PDZD2: variants seen among roughly 807,000 people sequenced by gnomAD.
The protein encoded by PDZD2 is PDZ domain-containing protein 2.
In PDZD2, 90 loss-of-function variants were observed where a neutral mutation model predicts 220.7. The ratio of observed to expected loss-of-function variants is 0.41; its 90% CI spans 0.34 to 0.49. The LOEUF is 0.49. Ranked by LOEUF, PDZD2 falls within the 20% of genes least tolerant of loss-of-function variation. PDZD2 has a pLI of 0.28. For synonymous variants in PDZD2, 1,375 were observed against 1,450.5 expected (o/e 0.95, Z 1.18); for missense variants, 3,174 against 3,608.5 (o/e 0.88, Z 3.08).
intron 1 of PDZD2, among the ~76,000 whole-genome samples, chr5:31,686,943 G>A (rs182798068): frequency 8.5e-5 from 13 of 152,200 alleles, no homozygotes; most frequent in East Asian, 5.8e-4. Context: ...CTAACCACTC[G>A]GAATCTCTGC....
intron 2 of PDZD2, among the ~76,000 whole-genome samples, chr5:31,893,262 G>T (rs746606099): frequency 2.0e-5 from 3 of 152,050 alleles, no homozygotes; most frequent in Non-Finnish European, 4.4e-5. Flanking sequence ...GCCATTGATT[G>T]TGGTTCGCAT....
intron 2 of PDZD2, among the ~76,000 whole-genome samples, chr5:31,963,459 G>T (rs1407801899): frequency 6.6e-6 from 1 of 152,198 alleles, no homozygotes; most frequent in Admixed American, 6.5e-5. Flanking sequence ...AGAGGCGGGG[G>T]CTGTGCACAC....
At chr5:31,767,092 C>A (rs1207240762) in intron 1 of PDZD2, among the ~76,000 whole-genome samples, 1 of 135,836 alleles carries the variant, frequency 7.4e-6, no homozygotes, top group Admixed American at 8.3e-5. Flanking sequence ...AGTGCAGTGG[C>A]GAGATCTTGG....
chr5:32,087,825 C>T lies in PDZD2; in HGVS notation c.4377C>T (p.His1459=). Residue 1459 remains histidine, a synonymous_variant, in exon 20 of 25, where the codon CAC becomes CAT. Coordinates refer to ENST00000438447, the MANE Select transcript of PDZD2 (RefSeq NM_178140.4). The surrounding 1 kb of genome is among the most constrained non-coding windows in gnomAD (Gnocchi z 4.0). ...SGSQEGSAQG[H]PPAGAGGGSS... ...CTCAGGAGGGCAGTGCTCAGGGCCA[C>T]CCACCAGCCGGGGCTGGAGGTGGGA... is the stretch of plus-strand genomic sequence containing the variant. 2 of 1,612,378 alleles carry T rather than the reference C, an allele frequency of 1.2e-6. No individual in the cohort carries two copies. Among genetic ancestry groups the T allele is most frequent in the South Asian group, 1.1e-5 (1 of 90,974 alleles).
chr5:31,893,268 C>T (rs1277709587), intron 2 of PDZD2, among the ~76,000 whole-genome samples: 5 of 152,000 alleles, frequency 3.3e-5, no homozygotes, highest in East Asian at 3.9e-4. Flanking sequence ...GATTGTGGTT[C>T]GCATTTAAAA....
intron 2 of PDZD2, among the ~76,000 whole-genome samples, chr5:31,901,038 T>A (rs139523558): frequency 1.1e-3 from 160 of 152,126 alleles, no homozygotes; most frequent in African/African-American, 3.8e-3. Flanking sequence ...GGAAGGGGAG[T>A]TGGAGGCAAG....
chr5:31,751,683 A>G (rs538399086), intron 1 of PDZD2, among the ~76,000 whole-genome samples: 6 of 152,288 alleles, frequency 3.9e-5, no homozygotes, highest in African/African-American at 1.4e-4. Flanking sequence ...TACCGGGGAC[A>G]TGAGCAGCCA....
rs549632240 is a variant in PDZD2 at position 31,950,642 on chromosome 5, C to G, written c.477-32513C>G. ...TGAGATATTATACTAAAGTAAGAAG[C>G]TAAAGGAAGACCTCTTTAGTTGTAC... On this transcript the variant is annotated intron_variant, in intron 2 of 24. Coordinates refer to ENST00000438447, the MANE Select transcript of PDZD2 (RefSeq NM_178140.4). Among the ~76,000 whole-genome samples the G allele has an allele frequency of 2.0e-5, 3 of 152,258 alleles. No individual in the cohort carries two copies. The South Asian group carries it at 6.2e-4, about 32-fold the overall frequency.
rs138651397 is a variant in PDZD2 at position 31,788,758 on chromosome 5, T to A, written c.-360-10131T>A. On this transcript the variant is annotated intron_variant, in intron 1 of 24. Coordinates refer to ENST00000438447, the MANE Select transcript of PDZD2 (RefSeq NM_178140.4). ...GAGTCTCAGTAGTTTGTATTTGCAC[T>A]GTTTCTCAATCAGTTGTATGTTTGT... 5.5e-3 allele frequency among the ~76,000 whole-genome samples: 842 copies of A among 152,350 alleles called. 7 individuals carry two copies. Among genetic ancestry groups the A allele is most frequent in the African/African-American group, 0.019 (781 of 41,580 alleles).
intron 2 of PDZD2, among the ~76,000 whole-genome samples, chr5:31,979,574 TG>T (rs1200726531): frequency 3.2e-5 from 2 of 63,126 alleles, no homozygotes; most frequent in Admixed American, 1.7e-4. Flanking sequence ...AGTGAGACTC[TG>T]TCTCAAAAAA....
chr5:31,885,114 G>A (rs916601906), intron 2 of PDZD2, among the ~76,000 whole-genome samples: 6 of 150,898 alleles, frequency 4.0e-5, no homozygotes, highest in South Asian at 2.1e-4. Context: ...AAAAACGGGT[G>A]GAGTGTATGA....
At chr5:31,683,868 T>C (rs1195911144) in intron 1 of PDZD2, among the ~76,000 whole-genome samples, 2 of 152,210 alleles carry the variant, frequency 1.3e-5, no homozygotes, top group African/African-American at 2.4e-5. Flanking sequence ...AATATGTATT[T>C]TAAATTTGAT....
At chr5:31,931,306 C>T (rs990443100) in intron 2 of PDZD2, among the ~76,000 whole-genome samples, 5 of 151,074 alleles carry the variant, frequency 3.3e-5, no homozygotes, top group Admixed American at 6.6e-5. Flanking sequence ...GACAGGCGTA[C>T]ACCACTATGC....
At chr5:31,985,476 C>T (rs1300996290) in intron 3 of PDZD2, among the ~76,000 whole-genome samples, 1 of 152,074 alleles carries the variant, frequency 6.6e-6, no homozygotes, top group Non-Finnish European at 1.5e-5. Context: ...AAGTAGATAA[C>T]TTAATGCCAG....
intron 2 of PDZD2, among the ~76,000 whole-genome samples, chr5:31,914,022 T>C (rs1225806925): frequency 1.3e-5 from 2 of 152,124 alleles, no homozygotes; most frequent in Non-Finnish European, 2.9e-5. Flanking sequence ...GGAATGTCAG[T>C]GTCTGTAACT....
In PDZD2 at chr5:32,032,618, T is replaced by C. The variant is rs57790042; in HGVS notation, c.1408-4613T>C. Among the ~76,000 whole-genome samples, 65 of 152,354 alleles carry C rather than the reference T, an allele frequency of 4.3e-4. No individual in the cohort carries two copies. In the East Asian group the frequency reaches 0.012, roughly 28 times the overall value. On this transcript the variant is annotated intron_variant, in intron 6 of 24. Coordinates refer to ENST00000438447, the MANE Select transcript of PDZD2 (RefSeq NM_178140.4). ...TCCAGAATTTGTTGCTTTTGTCTTC[T>C]GTTTTCTTTATCCTTGTAAATTATG...
At chr5:31,687,477 C>T (rs1304156508) in intron 1 of PDZD2, among the ~76,000 whole-genome samples, 3 of 152,116 alleles carry the variant, frequency 2.0e-5, no homozygotes, top group African/African-American at 7.2e-5. Context: ...CAGTTTACGT[C>T]GATCTAGGCT....
At chr5:31,923,401 TG>T in intron 2 of PDZD2, 1 of 1,255,646 alleles carries the variant, frequency 8.0e-7, no homozygotes, top group Non-Finnish European at 1.2e-6. Flanking sequence ...AAGCAGAGAC[TG>T]CAGCAGCTCT....
chr5:31,929,444 C>T (rs1237147559), intron 2 of PDZD2, among the ~76,000 whole-genome samples: 3 of 152,212 alleles, frequency 2.0e-5, no homozygotes, highest in Admixed American at 1.3e-4. Context: ...CCCCACCCAT[C>T]CTAGTTGTGA....
Sources: gnomAD v4.1 joint callset for allele counts (sites outside exome capture counted in the v4.1 genomes callset) on GRCh38, gnomAD v4.1.1 for gene constraint, Gnocchi (gnomAD v3.1) non-coding constraint, MANE v1.5 for transcripts, NCBI Gene and HGNC (gene_info 2026-07-23, HGNC 2026-07-21) for gene names.